KHDRBS2: variants seen among roughly 807,000 people sequenced by gnomAD.
KHDRBS2 encodes KH domain-containing, RNA-binding, signal transduction-associated protein 2.
Under a neutral mutation model 44.3 loss-of-function variants are expected in KHDRBS2, and 26 were observed. That is an observed-to-expected ratio of 0.59 (90% CI 0.43 to 0.81). KHDRBS2 has a LOEUF of 0.81. Ranked by LOEUF, KHDRBS2 falls within the 40% of genes least tolerant of loss-of-function variation. KHDRBS2 has a pLI of 0.00. For synonymous variants in KHDRBS2, 194 were observed against 151.1 expected, an observed-to-expected ratio of 1.28 and a Z score of -2.08; for missense variants, 476 against 433.1, an observed-to-expected ratio of 1.10 and a Z score of -0.88.
At chr6:61,645,940 C>T in the KHDRBS2 span, among the ~76,000 whole-genome samples, 1 of 152,118 alleles carries the variant, frequency 6.6e-6, no homozygotes, top group Non-Finnish European at 1.5e-5. Flanking sequence ...TTAGTAAACA[C>T]ATATATTTTT....
intron 1 of KHDRBS2, among the ~76,000 whole-genome samples, chr6:62,246,255 A>G (rs1397031851): frequency 3.3e-5 from 5 of 151,644 alleles, no homozygotes; most frequent in African/African-American, 1.2e-4. Flanking sequence ...AAGTATCTAC[A>G]AAAGAGGATA....
intron 6 of KHDRBS2, among the ~76,000 whole-genome samples, chr6:61,848,552 C>CATATATATATATGTGTATATATATACAT (rs1223042685): frequency 1.3e-4 from 5 of 37,250 alleles, no homozygotes; most frequent in African/African-American, 5.6e-4. Flanking sequence ...TATATATATA[C>CATATATATATATGTGTATATATATACAT]ATATATATAT....
At chr6:61,926,298 A>G (rs1808965223) in intron 4 of KHDRBS2, among the ~76,000 whole-genome samples, 1 of 152,154 alleles carries the variant, frequency 6.6e-6, no homozygotes, top group South Asian at 2.1e-4. Context: ...CTTAGAAGGG[A>G]AAGGGAATTA....
chr6:62,185,055 CTTATCT>C (rs1211546996), intron 1 of KHDRBS2, among the ~76,000 whole-genome samples: 1 of 151,874 alleles, frequency 6.6e-6, no homozygotes, highest in Non-Finnish European at 1.5e-5. Flanking sequence ...CCTCTGTTTA[CTTATCT>C]TTTTAAAATA....
At chr6:61,918,046 T>C (rs112446430) in intron 4 of KHDRBS2, among the ~76,000 whole-genome samples, 1,572 of 152,008 alleles carry the variant, frequency 0.01, 27 homozygotes, top group African/African-American at 0.036. Flanking sequence ...TTATGGCGCA[T>C]CGGCGAATGA....
chr6:61,578,533 A>C, the KHDRBS2 span, among the ~76,000 whole-genome samples: 1 of 152,138 alleles, frequency 6.6e-6, no homozygotes, highest in African/African-American at 2.4e-5. Flanking sequence ...TCCAGATATC[A>C]TTGCCCTCGT....
chr6:61,638,284 G>A, the KHDRBS2 span, among the ~76,000 whole-genome samples: 1 of 151,972 alleles, frequency 6.6e-6, no homozygotes, highest in East Asian at 1.9e-4. Context: ...AACCAAAACA[G>A]CATGGTACTG....
At chr6:62,268,896 T>C (rs1339083848) in intron 1 of KHDRBS2, among the ~76,000 whole-genome samples, 3 of 152,072 alleles carry the variant, frequency 2.0e-5, no homozygotes, top group African/African-American at 4.8e-5. Context: ...AAACAATTCA[T>C]ATATTCATAA....
intron 4 of KHDRBS2, among the ~76,000 whole-genome samples, chr6:61,964,977 T>C (rs1378776046): frequency 6.6e-6 from 1 of 152,168 alleles, no homozygotes; most frequent in South Asian, 2.1e-4. Context: ...TATATTTCAG[T>C]ATACTTGTAT....
chr6:61,555,957 C>G, the KHDRBS2 span, among the ~76,000 whole-genome samples: 3 of 152,200 alleles, frequency 2.0e-5, no homozygotes, highest in Admixed American at 6.5e-5. Context: ...TTAGCCAAAG[C>G]AATTCATTGG....
the KHDRBS2 span, among the ~76,000 whole-genome samples, chr6:61,667,246 T>A: frequency 6.6e-6 from 1 of 150,952 alleles, no homozygotes; most frequent in East Asian, 2.0e-4. Flanking sequence ...TTCTCTTTTT[T>A]TAATGAAGTT....
intron 3 of KHDRBS2, among the ~76,000 whole-genome samples, chr6:62,037,434 A>G (rs1008125227): frequency 3.3e-5 from 5 of 151,844 alleles, no homozygotes; most frequent in African/African-American, 1.2e-4. Flanking sequence ...AAAAAAAAAT[A>G]TTCTGATAAT....
intron 2 of KHDRBS2, among the ~76,000 whole-genome samples, chr6:62,108,003 G>T (rs948940651): frequency 1.3e-5 from 2 of 151,892 alleles, no homozygotes; most frequent in African/African-American, 2.4e-5. Context: ...AGAAGAAAAC[G>T]TAGGCATTAC....
At chr6:61,895,327 A>T (rs1802760126) in intron 5 of KHDRBS2, among the ~76,000 whole-genome samples, 1 of 152,128 alleles carries the variant, frequency 6.6e-6, no homozygotes, top group Admixed American at 6.5e-5. Flanking sequence ...ACCAAAAAAA[A>T]AGGTGGCTGC....
chr6:62,220,045 A>AG (rs1830644619), intron 1 of KHDRBS2, among the ~76,000 whole-genome samples: 1 of 151,282 alleles, frequency 6.6e-6, no homozygotes, highest in Non-Finnish European at 1.5e-5. Flanking sequence ...TACTATAAGT[A>AG]GGGAAAAAAG....
At chr6:61,599,337 T>A in the KHDRBS2 span, among the ~76,000 whole-genome samples, 5 of 152,192 alleles carry the variant, frequency 3.3e-5, no homozygotes, top group Non-Finnish European at 5.9e-5. Context: ...TATAGTCAGC[T>A]TATTTGTTTC....
chr6:61,734,910 TC>T (rs1775092624), intron 6 of KHDRBS2, among the ~76,000 whole-genome samples: 1 of 152,188 alleles, frequency 6.6e-6, no homozygotes, highest in African/African-American at 2.4e-5. Flanking sequence ...TGTGCTCTGG[TC>T]CACATTGATG....
At chr6:61,690,620 T>C (rs1317130817) in intron 8 of KHDRBS2, among the ~76,000 whole-genome samples, 3 of 152,072 alleles carry the variant, frequency 2.0e-5, no homozygotes, top group South Asian at 2.1e-4. Context: ...TAGTTACTTA[T>C]GTTTATTACT....
At chr6:61,836,167 T>C (rs1405238726) in intron 6 of KHDRBS2, among the ~76,000 whole-genome samples, 1 of 151,952 alleles carries the variant, frequency 6.6e-6, no homozygotes, top group East Asian at 1.9e-4. Context: ...ATCAGAACTG[T>C]CTTGGAGATT....
Sources: gnomAD v4.1 joint callset for allele counts (sites outside exome capture counted in the v4.1 genomes callset) on GRCh38, gnomAD v4.1.1 for gene constraint, MANE v1.5 for transcripts, NCBI Gene and HGNC (gene_info 2026-07-23, HGNC 2026-07-21) for gene names.